Variants in PTPRD observed in about 807,000 individuals in gnomAD.
PTPRD encodes the protein receptor-type tyrosine-protein phosphatase delta.
In PTPRD, 34 loss-of-function variants were observed where a neutral mutation model predicts 214.5. The ratio of observed to expected loss-of-function variants is 0.16; its 90% CI spans 0.12 to 0.21. The LOEUF (loss-of-function observed/expected upper bound fraction) is 0.21, where lower values mean the gene tolerates loss of function less well. PTPRD is among the 10% of genes least tolerant of loss of function. PTPRD has a pLI of 1.00. For synonymous variants in PTPRD, 1,128 were observed against 845.7 expected (o/e 1.33, Z -5.79); for missense variants, 2,545 against 2,398.7 (o/e 1.06, Z -1.27).
intron 4 of PTPRD, among the ~76,000 whole-genome samples, chr9:9,986,110 T>C (rs889385011): frequency 1.3e-4 from 20 of 152,166 alleles, no homozygotes; most frequent in African/African-American, 4.8e-4. Flanking sequence ...CAAAGAATGA[T>C]TATTAACTGT....
intron 11 of PTPRD, among the ~76,000 whole-genome samples, chr9:8,779,458 G>C (rs2095609814): frequency 6.6e-6 from 1 of 152,094 alleles, no homozygotes; most frequent in South Asian, 2.1e-4. Context: ...TGTCGTCCCG[G>C]GGTTGGGTTT....
At chr9:8,535,937 G>T (rs552579919) in intron 14 of PTPRD, among the ~76,000 whole-genome samples, 1 of 151,956 alleles carries the variant, frequency 6.6e-6, no homozygotes, top group African/African-American at 2.4e-5. Flanking sequence ...TTAGTCAGAA[G>T]ATCATATTAG....
chr9:9,962,088 C>T (rs973718812), intron 4 of PTPRD, among the ~76,000 whole-genome samples: 2 of 152,002 alleles, frequency 1.3e-5, no homozygotes, highest in African/African-American at 4.8e-5. Flanking sequence ...TGCAGAACAT[C>T]CTGGGTCTTG....
At chr9:8,599,917 C>T (rs1488010149) in intron 14 of PTPRD, among the ~76,000 whole-genome samples, 1 of 152,138 alleles carries the variant, frequency 6.6e-6, no homozygotes, top group Non-Finnish European at 1.5e-5. Flanking sequence ...GGCGCCTGGC[C>T]GGCCCCTCCC....
At chr9:9,481,054 G>C (rs562044528) in intron 8 of PTPRD, among the ~76,000 whole-genome samples, 3 of 152,122 alleles carry the variant, frequency 2.0e-5, no homozygotes, top group Admixed American at 1.3e-4. Flanking sequence ...AAATAAATTG[G>C]AATAAATTAG....
At chr9:9,301,928 A>G (rs555603157) in intron 9 of PTPRD, among the ~76,000 whole-genome samples, 1 of 152,048 alleles carries the variant, frequency 6.6e-6, no homozygotes, top group Non-Finnish European at 1.5e-5. Context: ...AGCTGAGTTT[A>G]AGATACGCAT....
chr9:10,241,736 G>T (rs950386291), intron 3 of PTPRD, among the ~76,000 whole-genome samples: 9 of 151,888 alleles, frequency 5.9e-5, no homozygotes, highest in Admixed American at 5.9e-4. Flanking sequence ...AACTTTTGGG[G>T]ATGATGGATC....
chr9:9,593,412 G>A (rs1283819129), intron 7 of PTPRD, among the ~76,000 whole-genome samples: 1 of 151,696 alleles, frequency 6.6e-6, no homozygotes, highest in Non-Finnish European at 1.5e-5. Context: ...TGAGTATTGA[G>A]CAATTTAAAT....
Position 10,018,956 on chromosome 9 carries a change from G to A in PTPRD, c.-472+14762C>T, listed in dbSNP as rs148552922. Reference sequence around the variant, plus strand: ...TCTAATTAAACTAAAGAGCTTCTGCGCAGCAAAAGAAACTACCATCAGAGT... The same window carrying A: ...TCTAATTAAACTAAAGAGCTTCTGCACAGCAAAAGAAACTACCATCAGAGT... On this transcript the variant is annotated intron_variant, in intron 4 of 45. Coordinates refer to ENST00000381196, the MANE Select transcript of PTPRD (RefSeq NM_002839.4). 8.5e-3 allele frequency among the ~76,000 whole-genome samples: 1,292 copies of A among 152,050 alleles called. 55 individuals are homozygous for A. In the East Asian group the frequency reaches 0.13, roughly 15 times the overall value.
chr9:9,971,609 G>A (rs1016729320), intron 4 of PTPRD, among the ~76,000 whole-genome samples: 7 of 152,086 alleles, frequency 4.6e-5, no homozygotes, highest in African/African-American at 1.2e-4. Flanking sequence ...AAGAAAATTC[G>A]AGAATTTACT....
At position 10,268,053 on chromosome 9, in the gene PTPRD, G is replaced by A. The variant is rs138948365; in HGVS notation, c.-545+72910C>T. Among the ~76,000 whole-genome samples, 621 of 150,472 alleles carry A rather than the reference G, an allele frequency of 4.1e-3. 7 individuals are homozygous for A. Among genetic ancestry groups the A allele is most frequent in the East Asian group, 0.033 (169 of 5,124 alleles). On this transcript the variant is annotated intron_variant, in intron 3 of 45. Transcript: ENST00000381196. The stretch of plus-strand genomic sequence containing the variant: ...CCCAGTACTTTGGGATGCTGTGGCA[G>A]AATTGTTGGAGGCTAGGAGTTCAAG...
At chr9:8,739,945 T>G (rs1565699499) in intron 11 of PTPRD, among the ~76,000 whole-genome samples, 1 of 152,306 alleles carries the variant, frequency 6.6e-6, no homozygotes, top group East Asian at 1.9e-4. Context: ...CCACCATGAT[T>G]GTGAGGCGTC....
chr9:9,556,066 A>C (rs2154288143), intron 8 of PTPRD, among the ~76,000 whole-genome samples: 1 of 152,252 alleles, frequency 6.6e-6, no homozygotes, highest in African/African-American at 2.4e-5. Context: ...TTCCCCATGA[A>C]CTTAACTATG....
chr9:8,437,260 T>TAAATA (rs1249455665), intron 34 of PTPRD: 2 of 1,486,192 alleles, frequency 1.3e-6, no homozygotes, highest in Non-Finnish European at 1.8e-6. Context: ...AATGATGGTG[T>TAAATA]AAATAAAATA....
At chr9:8,631,999 A>G (rs2096268080) in intron 14 of PTPRD, among the ~76,000 whole-genome samples, 1 of 151,894 alleles carries the variant, frequency 6.6e-6, no homozygotes, top group South Asian at 2.1e-4. Context: ...ATGCATTTAA[A>G]AGATATACAT....
chr9:10,047,015 T>C (rs1441830336), intron 3 of PTPRD, among the ~76,000 whole-genome samples: 3 of 151,894 alleles, frequency 2.0e-5, no homozygotes, highest in African/African-American at 7.2e-5. Flanking sequence ...CCAAGGACAT[T>C]TTGTTCCCAT....
At chr9:9,065,554 C>CA in intron 10 of PTPRD, among the ~76,000 whole-genome samples, 1 of 152,216 alleles carries the variant, frequency 6.6e-6, no homozygotes, top group Non-Finnish European at 1.5e-5. Flanking sequence ...GTGAAGCTGA[C>CA]AGGGGTTTTC....
intron 36 of PTPRD, among the ~76,000 whole-genome samples, chr9:8,398,630 G>A (rs997871151): frequency 1.3e-5 from 2 of 152,140 alleles, no homozygotes; most frequent in Non-Finnish European, 2.9e-5. Flanking sequence ...GCCCTCATGG[G>A]TGGGATTAGG....
At chr9:9,867,475 T>C (rs943304722) in intron 5 of PTPRD, among the ~76,000 whole-genome samples, 3 of 128,902 alleles carry the variant, frequency 2.3e-5, no homozygotes, top group African/African-American at 8.5e-5. Context: ...ATAATAAACA[T>C]ATTTTCCTCA....
Sources: allele counts gnomAD v4.1 joint callset (sites outside exome capture counted in the v4.1 genomes callset), GRCh38; gene constraint gnomAD v4.1.1; transcripts MANE v1.5; gene names NCBI Gene and HGNC (gene_info 2026-07-23, HGNC 2026-07-21).